The following AKAP7 variants were observed in gnomAD, a reference collection of about 807,000 sequenced individuals.
AKAP7 encodes A kinase (PRKA) anchor protein 7.
A neutral mutation model predicts 39.5 loss-of-function variants in AKAP7; 39 were observed. That is an observed-to-expected ratio of 0.99 (90% CI 0.76 to 1.29). The LOEUF is 1.29. Ranked by LOEUF, AKAP7 falls within the 50% of genes most tolerant of loss-of-function variation. The pLI, the probability that AKAP7 is intolerant of heterozygous loss-of-function variation, is 0.00. For missense variants in AKAP7, 414 were observed against 407.7 expected (o/e 1.02, Z -0.13); for synonymous variants, 140 against 139.1 (o/e 1.01, Z -0.05).
chr6:131,282,078 T>C lies in AKAP7; in HGVS notation c.*352T>C, dbSNP rs764318743. ...ATGGAATACTGCCATTTATATTGCT[T>C]AGCAGGGCATTTGACTACTTTATCT... On this transcript the variant is annotated 3_prime_UTR_variant, in exon 8 of 8. Transcript: ENST00000431975. 3.9e-4 allele frequency: 450 copies of C among 1,140,294 alleles called. No individual in the cohort carries two copies. The highest frequency in any genetic ancestry group is 1.1e-3 in the Admixed American group (26 of 22,812). 70.6% of individuals were successfully genotyped at this position (1,140,294 alleles called of 1,614,324 possible).
intron 5 of AKAP7, among the ~76,000 whole-genome samples, chr6:131,196,426 G>T (rs1806938572): frequency 6.6e-6 from 1 of 151,782 alleles, no homozygotes; most frequent in Non-Finnish European, 1.5e-5. Flanking sequence ...ATCACACCTG[G>T]CTAATTTTTG....
At position 131,282,715 on chromosome 6, in the gene AKAP7, C is replaced by A; in HGVS notation, c.*989C>A. ...TGATAGTGTCTGCACAACAGCAAAC[C>A]AACATTTGGTGAGGAATTAGCAATT... On this transcript the variant is annotated 3_prime_UTR_variant, in exon 8 of 8. Transcript: ENST00000431975. 1 of 834,516 alleles carries A rather than the reference C, an allele frequency of 1.2e-6. No homozygotes were observed. Among genetic ancestry groups the A allele is most frequent in the Non-Finnish European group, 1.7e-6 (1 of 588,550 alleles). 51.7% of individuals were successfully genotyped at this position (834,516 alleles called of 1,614,324 possible).
intron 7 of AKAP7, among the ~76,000 whole-genome samples, chr6:131,245,949 T>G (rs988689302): frequency 2.6e-5 from 4 of 152,262 alleles, no homozygotes; most frequent in African/African-American, 7.2e-5. Flanking sequence ...CTTTAATTAG[T>G]GAGTTGGAAG....
rs183442623 is a variant in AKAP7, at chr6:131,157,744, G to A, written c.152-2315G>A. On this transcript the variant is annotated intron_variant, in intron 2 of 7. Transcript: ENST00000431975. ...AATCTGTAAAGTTCTGATAAGGTTAGGTGTGTAAAAGAAGCTAATAATAAT... is the reference window on the plus strand; with the variant it reads ...AATCTGTAAAGTTCTGATAAGGTTAAGTGTGTAAAAGAAGCTAATAATAAT... Among the ~76,000 whole-genome samples the A allele has an allele frequency of 9.9e-5, 15 of 152,224 alleles. No homozygotes were observed. The East Asian group carries it at 2.9e-3, about 29-fold the overall frequency.
chr6:131,145,264 T>C, intron 1 of AKAP7, 21 bp from the exon 2 acceptor site: 2 of 1,371,370 alleles, frequency 1.5e-6, no homozygotes, highest in Non-Finnish European at 1.9e-6. Context: ...TCCTTTTTTT[T>C]CTGTTTGTGA....
At position 131,219,746 on chromosome 6, in the gene AKAP7, G is replaced by C; in HGVS notation, c.788G>C (p.Cys263Ser). ...GAAATATTATATCGCATAGATCTTT[G>C]CTCCATGCTGAAGAAAAAACAAAGT... ...GEEILYRIDL[C>S]SMLKKKQSNG... The change falls in exon 7 of 8, where the codon TGC becomes TCC. Residue 263 changes from cysteine (C) to serine (S), a missense_variant. Physicochemically the swap from Cys to Ser is moderately radical, Grantham distance 112. Transcript: ENST00000431975. 1 of 1,596,638 alleles carries C rather than the reference G, an allele frequency of 6.3e-7. No homozygotes were observed. The highest frequency in any genetic ancestry group is 1.1e-5 in the South Asian group (1 of 88,322).
At chr6:131,277,250 T>G (rs531403484) in intron 7 of AKAP7, among the ~76,000 whole-genome samples, 1 of 152,176 alleles carries the variant, frequency 6.6e-6, no homozygotes, top group Non-Finnish European at 1.5e-5. Flanking sequence ...TGACTTTTCT[T>G]TTATATTTTT....
chr6:131,247,267 A>G (rs1180796944), intron 7 of AKAP7, among the ~76,000 whole-genome samples: 9 of 35,196 alleles, frequency 2.6e-4, no homozygotes, highest in Non-Finnish European at 3.7e-4. Flanking sequence ...CACATTTCAT[A>G]TGTATATATA....
At chr6:131,176,339 G>C (rs1259321027) in intron 5 of AKAP7, among the ~76,000 whole-genome samples, 1 of 151,880 alleles carries the variant, frequency 6.6e-6, no homozygotes, top group African/African-American at 2.4e-5. Context: ...TTACCCAGTA[G>C]CTGATAGAAT....
chr6:131,247,530 T>G (rs1812131650), intron 7 of AKAP7, among the ~76,000 whole-genome samples: 1 of 151,170 alleles, frequency 6.6e-6, no homozygotes, highest in Admixed American at 6.6e-5. Flanking sequence ...TTCACTATGT[T>G]AGGCTGGTCT....
At chr6:131,154,036 C>T (rs1421819244) in intron 2 of AKAP7, among the ~76,000 whole-genome samples, 1 of 152,062 alleles carries the variant, frequency 6.6e-6, no homozygotes, top group African/African-American at 2.4e-5. Flanking sequence ...ATGGTGAAAA[C>T]CTGTCTCTAC....
chr6:131,257,588 G>C (rs986548447), intron 7 of AKAP7, among the ~76,000 whole-genome samples: 9 of 152,148 alleles, frequency 5.9e-5, no homozygotes, highest in Non-Finnish European at 1.2e-4. Flanking sequence ...TGCCCCAGGA[G>C]AGACATGTGG....
At chr6:131,213,828 G>A (rs540002414) in intron 6 of AKAP7, among the ~76,000 whole-genome samples, 7 of 152,316 alleles carry the variant, frequency 4.6e-5, no homozygotes, top group South Asian at 2.1e-4. Flanking sequence ...ATGAGCTTAC[G>A]TGGGAACAGA....
intron 5 of AKAP7, among the ~76,000 whole-genome samples, chr6:131,178,052 T>A (rs1381638351): frequency 6.6e-6 from 1 of 152,228 alleles, no homozygotes; most frequent in Non-Finnish European, 1.5e-5. Flanking sequence ...GTTACCTGGT[T>A]TTGTTAACTT....
chr6:131,204,402 A>T (rs144622160), intron 6 of AKAP7, among the ~76,000 whole-genome samples: 4 of 152,218 alleles, frequency 2.6e-5, no homozygotes, highest in African/African-American at 9.6e-5. Flanking sequence ...ACTCTTTAGT[A>T]TATAAAATCT....
intron 1 of AKAP7, among the ~76,000 whole-genome samples, chr6:131,144,086 A>G (rs886228181): frequency 7.2e-6 from 1 of 139,658 alleles, no homozygotes; most frequent in Non-Finnish European, 1.5e-5. Flanking sequence ...GGATAAGGTC[A>G]CAGATCAACA....
chr6:131,219,600 A>C, intron 6 of AKAP7, 61 bp from the exon 7 acceptor site: 3 of 1,447,582 alleles, frequency 2.1e-6, no homozygotes, highest in Non-Finnish European at 2.8e-6. Flanking sequence ...AAAGTGATGT[A>C]GTTATGAACT....
At chr6:131,186,165 A>G (rs188059500) in intron 5 of AKAP7, among the ~76,000 whole-genome samples, 1 of 152,216 alleles carries the variant, frequency 6.6e-6, no homozygotes, top group Non-Finnish European at 1.5e-5. Flanking sequence ...AGGTGATTGG[A>G]TCATCATCCT....
At chr6:131,134,988 G>A (rs531038002), upstream of AKAP7, among the ~76,000 whole-genome samples, 4 of 152,140 alleles carry the variant, frequency 2.6e-5, no homozygotes, top group Non-Finnish European at 5.9e-5. Flanking sequence ...CCAGCAACTG[G>A]TTTCCTCTTA....
Sources: gnomAD v4.1 joint callset for allele counts (sites outside exome capture counted in the v4.1 genomes callset) on GRCh38, gnomAD v4.1.1 for gene constraint, MANE v1.5 for transcripts, NCBI Gene and HGNC (gene_info 2026-07-23, HGNC 2026-07-21) for gene names.